Variants in GFPT2 observed in about 807,000 individuals in gnomAD.
The protein encoded by GFPT2 is glutamine--fructose-6-phosphate transaminase 2.
In GFPT2, 62 loss-of-function variants were observed where a neutral mutation model predicts 85.6. The observed-to-expected ratio is 0.72, with a 90% CI of 0.59 to 0.90. The LOEUF is 0.90. Ranked by LOEUF, GFPT2 falls within the 40% of genes least tolerant of loss-of-function variation. The pLI is 0.00. For missense variants in GFPT2, 788 were observed against 893.4 expected (o/e 0.88, Z 1.50); for synonymous variants, 368 against 344.5 (o/e 1.07, Z -0.75).
intron 16 of GFPT2, 123 bp downstream of exon 16, chr5:180,307,053 T>C (rs1236925301): frequency 1.7e-5 from 12 of 725,478 alleles, no homozygotes; most frequent in Non-Finnish European, 2.8e-5. Context: ...CTCACAGGAC[T>C]GGCCAAGGGG....
chr5:180,320,940 T>C (rs1196859462), intron 9 of GFPT2, among the ~76,000 whole-genome samples: 1 of 152,174 alleles, frequency 6.6e-6, no homozygotes, highest in Non-Finnish European at 1.5e-5. Context: ...GGCAAGCCAC[T>C]GTACTGGAAA....
At chr5:180,325,149 G>A (rs1764191840) in intron 7 of GFPT2, among the ~76,000 whole-genome samples, 2 of 152,168 alleles carry the variant, frequency 1.3e-5, no homozygotes, top group Admixed American at 6.5e-5. Context: ...CCTAGGCCGG[G>A]CCTCCTCCAG....
At chr5:180,351,230 C>CT (rs2127659413) in intron 1 of GFPT2, among the ~76,000 whole-genome samples, 1 of 152,356 alleles carries the variant, frequency 6.6e-6, no homozygotes, top group South Asian at 2.1e-4. Context: ...TCAATTCTAG[C>CT]CAGCTGCTGC....
intron 1 of GFPT2, among the ~76,000 whole-genome samples, chr5:180,346,675 G>A (rs1360475712): frequency 6.6e-6 from 1 of 150,898 alleles, no homozygotes; most frequent in African/African-American, 2.4e-5. Flanking sequence ...TGCGCCCCTG[G>A]GGCCCCCAGG....
intron 1 of GFPT2, among the ~76,000 whole-genome samples, chr5:180,341,389 C>A (rs934101017): frequency 6.6e-6 from 1 of 152,108 alleles, no homozygotes; most frequent in Non-Finnish European, 1.5e-5. Context: ...AGATCAGATT[C>A]ATGTCAATAT....
chr5:180,347,660 G>A (rs1456653485), intron 1 of GFPT2, among the ~76,000 whole-genome samples: 2 of 152,134 alleles, frequency 1.3e-5, no homozygotes, highest in Non-Finnish European at 2.9e-5. Flanking sequence ...GGGCACGCAG[G>A]CAGGGCCTCT....
chr5:180,325,741 T>C (rs1483983419), intron 7 of GFPT2, among the ~76,000 whole-genome samples: 3 of 152,224 alleles, frequency 2.0e-5, no homozygotes, highest in African/African-American at 7.2e-5. Context: ...ATCTCATGAT[T>C]TGGCTGGGCG....
Position 180,351,662 on chromosome 5 carries a change from G to A in GFPT2, c.7+1549C>T, listed in dbSNP as rs144052358. On this transcript the variant is annotated intron_variant, in intron 1 of 18. Transcript: ENST00000253778. ...GCTCAACCTTTCCCTAGGAGACAAC[G>A]CGTGTGTGTCCCTTTAAGAAGCAGA... Among the ~76,000 whole-genome samples, 292 of 152,300 alleles carry A rather than the reference G, an allele frequency of 1.9e-3. 3 individuals are homozygous for A. Among genetic ancestry groups the A allele is most frequent in the African/African-American group, 5.7e-3 (238 of 41,546 alleles).
chr5:180,301,733 A>C (rs971094349), intron 18 of GFPT2, 125 bp from the exon 19 acceptor site: 4 of 776,500 alleles, frequency 5.2e-6, no homozygotes, highest in Non-Finnish European at 9.0e-6. Context: ...CAACCTAGAG[A>C]CCTGCGTCTT....
In GFPT2 at chr5:180,304,831, T is replaced by A; in HGVS notation, c.1783A>T (p.Met595Leu). ...DKQMPVIMVI[M>L]KDPCFAKCQN... ...CATTTGGCGAAGCAAGGATCCTTCA[T>A]AATGACCATGATGACGGGCATCTGC... is the stretch of plus-strand genomic sequence containing the variant. Residue 595 changes from methionine to leucine, a missense_variant, in exon 17 of 19, where the codon ATG becomes TTG. Transcript: ENST00000253778. 1 of 1,614,076 alleles carries A rather than the reference T, an allele frequency of 6.2e-7. No homozygotes were observed. The highest frequency in any genetic ancestry group is 8.5e-7 in the Non-Finnish European group (1 of 1,179,934).
chr5:180,328,868 A>G lies in GFPT2; in HGVS notation c.535-530T>C, dbSNP rs942502477. ...TGGCGGGGCTTCCGTGACGATGATA[A>G]GCTAATGCACTGAGCCTGGCATCCG... On this transcript the variant is annotated intron_variant, in intron 6 of 18. Transcript: ENST00000253778. The surrounding 1 kb of genome is among the most constrained non-coding windows in gnomAD (Gnocchi z 5.4). Among the ~76,000 whole-genome samples, 5 of 152,226 alleles carry G rather than the reference A, an allele frequency of 3.3e-5. No homozygotes were observed. Among genetic ancestry groups the G allele is most frequent in the African/African-American group, 1.2e-4 (5 of 41,454 alleles).
intron 3 of GFPT2, 178 bp from the exon 4 acceptor site, chr5:180,336,131 C>T (rs527910887): frequency 1.7e-6 from 1 of 594,458 alleles, no homozygotes; most frequent in East Asian, 2.8e-5. Flanking sequence ...AGGTTATTTA[C>T]TACTTGTCTG....
chr5:180,303,202 C>G (rs1763713850), intron 17 of GFPT2, among the ~76,000 whole-genome samples: 1 of 149,438 alleles, frequency 6.7e-6, no homozygotes, highest in African/African-American at 2.5e-5. Context: ...TGCACTCCAG[C>G]CTGGGCGACA....
chr5:180,306,200 G>A (rs1404845251), intron 16 of GFPT2, among the ~76,000 whole-genome samples: 1 of 151,992 alleles, frequency 6.6e-6, no homozygotes, highest in Non-Finnish European at 1.5e-5. Flanking sequence ...GTCCAGGCTG[G>A]TCTCGAACTC....
intron 15 of GFPT2, among the ~76,000 whole-genome samples, chr5:180,311,237 T>C (rs3805705): frequency 0.18 from 27,707 of 152,212 alleles, 2,990 homozygotes; most frequent in Non-Finnish European, 0.25. Flanking sequence ...CATGCCAGCC[T>C]GGGGCGAGGC....
chr5:180,351,783 A>G (rs1423057087), intron 1 of GFPT2, among the ~76,000 whole-genome samples: 1 of 152,126 alleles, frequency 6.6e-6, no homozygotes, highest in African/African-American at 2.4e-5. Context: ...AGGAAGGAGG[A>G]TGACAGGCAG....
chr5:180,353,015 G>A (rs1352636205), intron 1 of GFPT2, 196 bp downstream of exon 1: 2 of 400,802 alleles, frequency 5.0e-6, no homozygotes, highest in Non-Finnish European at 8.5e-6. Context: ...CCACACCTCC[G>A]AGACGGCCAC....
In GFPT2 at chr5:180,330,995, T is replaced by TAC; in HGVS notation, c.400-163_400-162dup. 1.6e-6 allele frequency: 1 copy of TAC among 633,152 alleles called. No individual in the cohort carries two copies. The highest frequency in any genetic ancestry group is 2.8e-5 in the East Asian group (1 of 36,154). The allele number at this position is 633,152 out of a possible 1,614,324, so 39.2% of individuals were successfully genotyped here. ...AATGTTTGCCAGCATCACAGCCAAA[T>TAC]ACCTCTGAGTCACTCCCGGAGGCCC... On this transcript the variant is annotated intron_variant, in intron 5 of 18. Coordinates refer to ENST00000253778, the MANE Select transcript of GFPT2 (RefSeq NM_005110.4). This position sits in a 1 kb window ranked among gnomAD's most constrained non-coding sequence, Gnocchi z 4.4.
At chr5:180,345,930 G>A (rs1033929684) in intron 1 of GFPT2, among the ~76,000 whole-genome samples, 1 of 152,028 alleles carries the variant, frequency 6.6e-6, no homozygotes, top group African/African-American at 2.4e-5. Context: ...CAGAACTCTC[G>A]GTTAACCCCA....
Sources: allele counts gnomAD v4.1 joint callset (sites outside exome capture counted in the v4.1 genomes callset), GRCh38; gene constraint gnomAD v4.1.1; non-coding constraint Gnocchi (gnomAD v3.1); transcripts MANE v1.5; gene names NCBI Gene and HGNC (gene_info 2026-07-23, HGNC 2026-07-21).